Variants in PCDH15 observed in about 807,000 individuals in gnomAD.
The protein encoded by PCDH15 is protocadherin-15.
In PCDH15, 129 loss-of-function variants were observed where a neutral mutation model predicts 178.5. The observed-to-expected ratio is 0.72, with a 90% confidence interval of 0.63 to 0.84. PCDH15 has a LOEUF of 0.84. PCDH15 is among the 40% of genes least tolerant of loss of function. The pLI, the probability that PCDH15 is intolerant of heterozygous loss-of-function variation, is 0.00. For synonymous variants in PCDH15, 800 were observed against 732.0 expected (o/e 1.09, Z -1.50); for missense variants, 2,230 against 2,099.9 (o/e 1.06, Z -1.21).
At chr10:54,174,702 C>CTTTTTTTTTTTTTTTTTTTTTTT (rs1169302544) in intron 13 of PCDH15, among the ~76,000 whole-genome samples, 26 of 84,040 alleles carry the variant, frequency 3.1e-4, no homozygotes, top group Non-Finnish European at 4.1e-4. Flanking sequence ...TTTTTCTTTT[C>CTTTTTTTTTTTTTTTTTTTTTTT]TTTTTTTTTT....
intron 14 of PCDH15, among the ~76,000 whole-genome samples, chr10:54,146,144 T>A (rs1453186492): frequency 6.6e-6 from 1 of 152,046 alleles, no homozygotes; most frequent in African/African-American, 2.4e-5. Context: ...AGCCTCATCA[T>A]TTTTTACTAA....
At chr10:54,722,858 A>T (rs1405238718) in intron 1 of PCDH15, among the ~76,000 whole-genome samples, 1 of 151,788 alleles carries the variant, frequency 6.6e-6, no homozygotes, top group Non-Finnish European at 1.5e-5. Flanking sequence ...ATATCTGTAC[A>T]AGAAGAATGA....
intron 3 of PCDH15, among the ~76,000 whole-genome samples, chr10:54,869,733 A>G (rs1475147048): frequency 1.3e-5 from 2 of 152,228 alleles, no homozygotes; most frequent in Non-Finnish European, 2.9e-5. Flanking sequence ...ATATGTATTC[A>G]AAAGATAATG....
At chr10:54,240,771 A>G (rs1480973321) in intron 8 of PCDH15, among the ~76,000 whole-genome samples, 2 of 151,244 alleles carry the variant, frequency 1.3e-5, no homozygotes, top group East Asian at 2.0e-4. Flanking sequence ...AGCTGGGACT[A>G]CAGGCGCCCG....
At chr10:54,394,501 G>A (rs149401516) in intron 3 of PCDH15, among the ~76,000 whole-genome samples, 11,366 of 152,066 alleles carry the variant, frequency 0.075, 1,368 homozygotes, top group African/African-American at 0.25. Context: ...GGGAGTGTGC[G>A]AATAGGTGTG....
intron 1 of PCDH15, among the ~76,000 whole-genome samples, chr10:54,776,824 A>AT (rs1822940576): frequency 6.6e-6 from 1 of 152,174 alleles, no homozygotes; most frequent in African/African-American, 2.4e-5. Context: ...ACCACACGGC[A>AT]TAGAGAGGAC....
intron 1 of PCDH15, among the ~76,000 whole-genome samples, chr10:54,743,237 T>C (rs1336772899): frequency 2.6e-5 from 4 of 152,052 alleles, no homozygotes; most frequent in Non-Finnish European, 5.9e-5. Flanking sequence ...TAAAGCAAGA[T>C]TGTAGATTCA....
chr10:55,340,555 T>A (rs1844526661), intron 2 of PCDH15, among the ~76,000 whole-genome samples: 1 of 152,070 alleles, frequency 6.6e-6, no homozygotes, highest in Non-Finnish European at 1.5e-5. Context: ...AGAATTTTTT[T>A]AATTATGGAA....
At chr10:55,522,549 C>T (rs1841204339) in intron 2 of PCDH15, among the ~76,000 whole-genome samples, 1 of 151,572 alleles carries the variant, frequency 6.6e-6, no homozygotes, top group African/African-American at 2.4e-5. Flanking sequence ...AATGATTGGC[C>T]TCTTTATCAT....
At chr10:54,561,980 CTTTTTTT>C (rs575547228) in intron 2 of PCDH15, among the ~76,000 whole-genome samples, 44 of 75,232 alleles carry the variant, frequency 5.8e-4, no homozygotes, top group South Asian at 1.0e-3. Context: ...CCGCACCCAG[CTTTTTTT>C]TTTTTTTTTT....
chr10:54,165,476 C>G (rs1367730754), intron 13 of PCDH15, among the ~76,000 whole-genome samples: 9 of 152,112 alleles, frequency 5.9e-5, no homozygotes, highest in Non-Finnish European at 1.2e-4. Context: ...CACAGCCTGA[C>G]TATTTAAAGG....
rs139018592 is a variant in PCDH15 at position 54,183,565 on chromosome 10, C to G, written c.1469G>C (p.Ser490Thr). The G allele has an allele frequency of 3.7e-6, 6 of 1,613,830 alleles. No individual in the cohort carries two copies. The African/African-American group carries it at 8.0e-5, about 22-fold the overall frequency. The change falls in exon 13 of 38, where the codon AGT (serine) becomes ACT (threonine). Residue 490 changes from serine to threonine, a missense_variant. Transcript: ENST00000644397. ...TTGAATATTGACGATGACTGGCTCACTTTCTTGTACACCATCAAATGCTGT... is the reference window on the plus strand; with the variant it reads ...TTGAATATTGACGATGACTGGCTCAGTTTCTTGTACACCATCAAATGCTGT... ...SITAFDGVQE[S>T]EPVIVNIQVM...
chr10:55,067,893 T>A (rs1841608415), intron 2 of PCDH15, among the ~76,000 whole-genome samples: 1 of 152,128 alleles, frequency 6.6e-6, no homozygotes, highest in Non-Finnish European at 1.5e-5. Context: ...TGTCTTTTTT[T>A]GAGAAATGTT....
intron 2 of PCDH15, among the ~76,000 whole-genome samples, chr10:54,904,466 T>C (rs1413154323): frequency 6.6e-6 from 1 of 151,860 alleles, no homozygotes; most frequent in Non-Finnish European, 1.5e-5. Flanking sequence ...AATTATATGA[T>C]GATTAAAAAA....
At chr10:54,743,921 C>G (rs929460596) in intron 1 of PCDH15, among the ~76,000 whole-genome samples, 6 of 152,076 alleles carry the variant, frequency 3.9e-5, no homozygotes, top group African/African-American at 7.2e-5. Flanking sequence ...AAATGGCTTT[C>G]AGTGATCCTC....
At chr10:54,891,892 C>T (rs1452485082) in intron 3 of PCDH15, among the ~76,000 whole-genome samples, 1 of 152,010 alleles carries the variant, frequency 6.6e-6, no homozygotes, top group Non-Finnish European at 1.5e-5. Context: ...CTACTGTGCC[C>T]TAATCAAGGT....
intron 15 of PCDH15, among the ~76,000 whole-genome samples, chr10:54,113,052 A>G (rs959657264): frequency 2.0e-5 from 3 of 152,182 alleles, no homozygotes; most frequent in Non-Finnish European, 2.9e-5. Flanking sequence ...TACATCTGAT[A>G]TTAGCATATT....
intron 2 of PCDH15, among the ~76,000 whole-genome samples, chr10:55,164,691 CA>C (rs1305126383): frequency 6.6e-6 from 1 of 151,872 alleles, no homozygotes; most frequent in Non-Finnish European, 1.5e-5. Flanking sequence ...AATGTCAGGA[CA>C]AAAATAGAAA....
chr10:55,347,296 T>C (rs569938620), intron 2 of PCDH15, among the ~76,000 whole-genome samples: 1 of 152,182 alleles, frequency 6.6e-6, no homozygotes, highest in African/African-American at 2.4e-5. Context: ...TTTACTTAAA[T>C]GCAAAGCTAT....
Sources: allele counts gnomAD v4.1 joint callset (sites outside exome capture counted in the v4.1 genomes callset), GRCh38; gene constraint gnomAD v4.1.1; transcripts MANE v1.5; gene names NCBI Gene and HGNC (gene_info 2026-07-23, HGNC 2026-07-21).